RRP12: variants seen among roughly 807,000 people sequenced by gnomAD.
RRP12 encodes the protein RRP12-like protein.
Under a neutral mutation model 157.3 loss-of-function variants are expected in RRP12, and 78 were observed. That is an observed-to-expected ratio of 0.50 (90% CI 0.41 to 0.60). The LOEUF (loss-of-function observed/expected upper bound fraction) is 0.60. RRP12 is among the 20% of genes least tolerant of loss of function. RRP12 has a pLI of 0.00. For missense variants in RRP12, 1,521 were observed against 1,679.9 expected (o/e 0.91, Z 1.65); for synonymous variants, 726 against 670.9 (o/e 1.08, Z -1.27).
intron 15 of RRP12, among the ~76,000 whole-genome samples, chr10:97,378,855 C>T (rs1844382154): frequency 1.4e-5 from 2 of 148,054 alleles, no homozygotes; most frequent in Admixed American, 6.8e-5. Flanking sequence ...AAAACTCCGT[C>T]TCAAAAAATA....
intron 15 of RRP12, 98 bp downstream of exon 15, chr10:97,379,195 C>T (rs1195116024): frequency 7.2e-7 from 1 of 1,394,040 alleles, no homozygotes; most frequent in Non-Finnish European, 1.0e-6. Flanking sequence ...GTCTTGAAGG[C>T]TGGGTGTGTG....
intron 4 of RRP12, among the ~76,000 whole-genome samples, chr10:97,392,552 T>C (rs922020195): frequency 6.6e-6 from 1 of 151,946 alleles, no homozygotes; most frequent in African/African-American, 2.4e-5. Flanking sequence ...TTTCACCATG[T>C]TGGCCAGGCT....
In RRP12 at chr10:97,390,489, C is replaced by A; in HGVS notation, c.687G>T (p.Trp229Cys). ...TLLRKQDLEA[W>C]GYPVTLQVYH... ...ACACCTGAAGGGTCACGGGGTAGCC[C>A]CAGGCCTCCAGGTCTTGCTTCCGCA... The change falls in exon 6 of 34, where the codon TGG becomes TGT. Residue 229 changes from tryptophan to cysteine, a missense_variant. Transcript: ENST00000370992. The A allele has an allele frequency of 1.2e-6, 2 of 1,614,116 alleles. No individual in the cohort carries two copies. The highest frequency in any genetic ancestry group is 1.7e-6 in the Non-Finnish European group (2 of 1,180,036).
intron 25 of RRP12, among the ~76,000 whole-genome samples, chr10:97,369,097 C>T (rs1844067141): frequency 6.6e-6 from 1 of 152,044 alleles, no homozygotes; most frequent in African/African-American, 2.4e-5. Context: ...GAGGGAGAGC[C>T]CAGCGTCTGA....
chr10:97,363,109 C>T (rs1245797401), intron 30 of RRP12, among the ~76,000 whole-genome samples: 2 of 152,212 alleles, frequency 1.3e-5, no homozygotes, highest in Non-Finnish European at 2.9e-5. Context: ...TCACTATACC[C>T]TGATGTAGGC....
intron 20 of RRP12, chr10:97,371,800 G>A (rs937168062): frequency 5.3e-6 from 2 of 377,780 alleles, no homozygotes; most frequent in Non-Finnish European, 9.9e-6. Flanking sequence ...GGATGGGCCT[G>A]GGGAGTGAGC....
chr10:97,359,032 A>G (rs370688183), intron 31 of RRP12, 22 bp from the exon 32 acceptor site: 34 of 1,608,326 alleles, frequency 2.1e-5, no homozygotes, highest in Non-Finnish European at 2.7e-5. Context: ...ACACAGGACC[A>G]TGAGTCAGGC....
chr10:97,389,472 G>C (rs1844740332), intron 6 of RRP12, among the ~76,000 whole-genome samples: 1 of 152,154 alleles, frequency 6.6e-6, no homozygotes, highest in Non-Finnish European at 1.5e-5. Flanking sequence ...CTGAAGGTGA[G>C]GAAAAGATCA....
At chr10:97,382,436 C>T (rs1345714837) in intron 10 of RRP12, among the ~76,000 whole-genome samples, 1 of 152,220 alleles carries the variant, frequency 6.6e-6, no homozygotes, top group East Asian at 1.9e-4. Context: ...TAAGCCACTG[C>T]ACCTGGCCTG....
chr10:97,385,530 G>T (rs1163001440), intron 9 of RRP12, among the ~76,000 whole-genome samples: 2 of 146,858 alleles, frequency 1.4e-5, no homozygotes, highest in African/African-American at 2.5e-5. Context: ...GGCCTTCTTT[G>T]AAAAAAAAAA....
chr10:97,367,321 C>A (rs1246640750), intron 25 of RRP12, 189 bp from the exon 26 acceptor site: 4 of 603,848 alleles, frequency 6.6e-6, no homozygotes, highest in Non-Finnish European at 1.2e-5. Flanking sequence ...CTTTCCCCTG[C>A]ACCCTCCTTC....
At chr10:97,381,932 A>G in intron 10 of RRP12, 106 bp from the exon 11 acceptor site, 2 of 732,732 alleles carry the variant, frequency 2.7e-6, no homozygotes, top group South Asian at 3.5e-5. Flanking sequence ...TCACAAACCC[A>G]GTGATCTGCA....
chr10:97,371,230 G>T, intron 20 of RRP12, 149 bp from the exon 21 acceptor site: 1 of 833,866 alleles, frequency 1.2e-6, no homozygotes, highest in Non-Finnish European at 1.9e-6. Context: ...TGTGGACAGC[G>T]AGTGGCTAAC....
chr10:97,376,214 T>TTC (rs1037059464), intron 15 of RRP12, among the ~76,000 whole-genome samples: 7 of 135,400 alleles, frequency 5.2e-5, no homozygotes, highest in African/African-American at 1.9e-4. Flanking sequence ...TTTACTTTCT[T>TTC]TTTTTTTTTT....
At chr10:97,371,235 G>C in intron 20 of RRP12, 154 bp from the exon 21 acceptor site, 1 of 788,580 alleles carries the variant, frequency 1.3e-6, no homozygotes, top group Non-Finnish European at 2.0e-6. Context: ...ACAGCGAGTG[G>C]CTAACTCCTG....
chr10:97,400,891 G>T (rs1845127393), intron 1 of RRP12, among the ~76,000 whole-genome samples: 1 of 152,150 alleles, frequency 6.6e-6, no homozygotes, highest in Non-Finnish European at 1.5e-5. Flanking sequence ...CCTTACACAA[G>T]ACATTTCCCT....
chr10:97,377,988 G>T (rs561131687), intron 15 of RRP12, among the ~76,000 whole-genome samples: 1 of 152,230 alleles, frequency 6.6e-6, no homozygotes, highest in African/African-American at 2.4e-5. Context: ...TCACTAGGCT[G>T]AGCAATGTAA....
In RRP12 at chr10:97,400,472, G is replaced by T; in HGVS notation, c.202C>A (p.Arg68Ser). 6.2e-7 allele frequency: 1 copy of T among 1,614,034 alleles called. No individual in the cohort carries two copies. Among genetic ancestry groups the T allele is most frequent in the Non-Finnish European group, 8.5e-7 (1 of 1,180,012 alleles). Reference protein sequence around the residue: ...LHNELQSGSLRLGKSEAPETP... With the variant: ...LHNELQSGSLSLGKSEAPETP... ...TCCGGGGCTTCGCTTTTGCCCAAGCGCAAGGACCCTGACTGCAGCTCATTA... is the reference window on the plus strand; with the variant it reads ...TCCGGGGCTTCGCTTTTGCCCAAGCTCAAGGACCCTGACTGCAGCTCATTA... The change falls in exon 2 of 34, where the codon CGC becomes AGC. Residue 68 changes from arginine to serine, a missense_variant. Transcript: ENST00000370992.
Position 97,369,599 on chromosome 10 carries a change from G to A in RRP12, c.2798-17C>T, listed in dbSNP as rs996974078. On this transcript the variant is annotated splice_polypyrimidine_tract_variant and intron_variant, in intron 24 of 33. Transcript: ENST00000370992. ...CCATCAGACCTGTGGCAGTGAGGGG[G>A]TCACTGTCTAAGACACCCAGGACCC... 96 of 1,552,266 alleles carry A rather than the reference G, an allele frequency of 6.2e-5. No homozygotes were observed. Among genetic ancestry groups the A allele is most frequent in the Non-Finnish European group, 8.0e-5 (92 of 1,147,366 alleles).
Sources: gnomAD v4.1 joint callset for allele counts (sites outside exome capture counted in the v4.1 genomes callset) on GRCh38, gnomAD v4.1.1 for gene constraint, MANE v1.5 for transcripts, NCBI Gene and HGNC (gene_info 2026-07-23, HGNC 2026-07-21) for gene names.